Variants in DUSP14 observed in about 807,000 individuals in gnomAD.
DUSP14 encodes dual specificity phosphatase 14.
In DUSP14, 5 loss-of-function variants were observed where a neutral mutation model predicts 13.2. The observed-to-expected ratio is 0.38, with a 90% CI of 0.20 to 0.80. The LOEUF (loss-of-function observed/expected upper bound fraction) is 0.80, where lower values mean the gene tolerates loss of function less well. Among genes scored for constraint, DUSP14 ranks in the 30% least tolerant of loss-of-function variants. The pLI is 0.44. For synonymous variants in DUSP14, 91 were observed against 103.4 expected (o/e 0.88, Z 0.73); for missense variants, 185 against 264.0 (o/e 0.70, Z 2.07).
intron 1 of DUSP14, among the ~76,000 whole-genome samples, chr17:37,491,273 G>A (rs1191262633): frequency 1.3e-5 from 2 of 152,172 alleles, no homozygotes; most frequent in Non-Finnish European, 2.9e-5. Flanking sequence ...AGGGAAGGAG[G>A]CACCCCCACA....
At chr17:37,502,958 A>G (rs761042536) in intron 1 of DUSP14, among the ~76,000 whole-genome samples, 7 of 151,968 alleles carry the variant, frequency 4.6e-5, no homozygotes, top group African/African-American at 7.3e-5. Flanking sequence ...ACAACCTTGA[A>G]CTCCTGAGCT....
chr17:37,491,223 A>T (rs2054025993), intron 1 of DUSP14, among the ~76,000 whole-genome samples: 1 of 152,106 alleles, frequency 6.6e-6, no homozygotes. Flanking sequence ...GTTGTTGTGG[A>T]CTCATAAAGG....
intron 1 of DUSP14, among the ~76,000 whole-genome samples, chr17:37,491,956 T>C (rs2054031347): frequency 6.6e-6 from 1 of 152,250 alleles, no homozygotes; most frequent in South Asian, 2.1e-4. Flanking sequence ...TATATCTTTT[T>C]AGACTTTTCT....
chr17:37,499,287 G>A (rs2054089563), intron 1 of DUSP14, among the ~76,000 whole-genome samples: 1 of 152,136 alleles, frequency 6.6e-6, no homozygotes, highest in African/African-American at 2.4e-5. Flanking sequence ...AGATTTGAGT[G>A]GGGACACAGA....
rs2054202424 is a variant in DUSP14 at position 37,512,891 on chromosome 17, CA to C, written c.*23del. ...TTAGTGCCACTGAAGCCTGCGTCAG[CA>C]GCCCGAGCGGGGCCGGCATCTGCTC... is the stretch of plus-strand genomic sequence containing the variant. On this transcript the variant is annotated 3_prime_UTR_variant, in exon 3 of 3. Transcript: ENST00000617516. The surrounding 1 kb of genome is among the most constrained non-coding windows in gnomAD (Gnocchi z 4.8). 6.3e-7 allele frequency: 1 copy of C among 1,578,136 alleles called. No homozygotes were observed. Among genetic ancestry groups the C allele is most frequent in the Non-Finnish European group, 8.7e-7 (1 of 1,154,718 alleles).
intron 1 of DUSP14, among the ~76,000 whole-genome samples, chr17:37,505,570 A>T (rs1568203120): frequency 6.6e-6 from 1 of 151,204 alleles, no homozygotes; most frequent in Non-Finnish European, 1.5e-5. Context: ...TCTGCTGTTG[A>T]CTGAACATGA....
At chr17:37,508,903 C>T (rs188350267) in intron 1 of DUSP14, among the ~76,000 whole-genome samples, 16 of 147,850 alleles carry the variant, frequency 1.1e-4, no homozygotes, top group Admixed American at 3.4e-4. Context: ...AAGACCTGTA[C>T]GTGGATGCTC....
At chr17:37,505,160 ACCAACTC>A (rs2054129978) in intron 1 of DUSP14, among the ~76,000 whole-genome samples, 1 of 152,148 alleles carries the variant, frequency 6.6e-6, no homozygotes, top group Admixed American at 6.6e-5. Flanking sequence ...CAGGCTGGTC[ACCAACTC>A]CTGAGCTAAA....
At chr17:37,501,357 G>A (rs779949960) in intron 1 of DUSP14, among the ~76,000 whole-genome samples, 13 of 152,114 alleles carry the variant, frequency 8.5e-5, no homozygotes, top group African/African-American at 1.4e-4. Context: ...GAGCCGATTC[G>A]GTAGGTCTTG....
At chr17:37,501,540 A>T (rs949932990) in intron 1 of DUSP14, among the ~76,000 whole-genome samples, 1 of 151,234 alleles carries the variant, frequency 6.6e-6, no homozygotes, top group Non-Finnish European at 1.5e-5. Flanking sequence ...TTTTTTTTAG[A>T]TGGAGTTTCT....
intron 1 of DUSP14, among the ~76,000 whole-genome samples, chr17:37,493,672 C>CTTTTTTTTTT (rs35368460): frequency 7.3e-6 from 1 of 137,324 alleles, no homozygotes. Context: ...TTTCATCAAT[C>CTTTTTTTTTT]TTTTTTTTTT....
At chr17:37,494,611 A>C (rs1041230170) in intron 1 of DUSP14, among the ~76,000 whole-genome samples, 4 of 152,144 alleles carry the variant, frequency 2.6e-5, no homozygotes, top group Admixed American at 2.6e-4. Flanking sequence ...GAGTGAGAGA[A>C]TGTGAGAAAG....
At chr17:37,494,020 G>T (rs968660133) in intron 1 of DUSP14, among the ~76,000 whole-genome samples, 2 of 147,302 alleles carry the variant, frequency 1.4e-5, no homozygotes, top group Non-Finnish European at 3.0e-5. Context: ...TTGAGACAGA[G>T]TCTCACTCTG....
intron 1 of DUSP14, among the ~76,000 whole-genome samples, chr17:37,500,504 C>T (rs2054097894): frequency 6.6e-6 from 1 of 152,192 alleles, no homozygotes; most frequent in Admixed American, 6.5e-5. Context: ...ATGTCATGGT[C>T]TTGCTTCTCA....
intron 1 of DUSP14, among the ~76,000 whole-genome samples, chr17:37,493,261 C>T (rs2054041214): frequency 6.6e-6 from 1 of 152,142 alleles, no homozygotes; most frequent in Non-Finnish European, 1.5e-5. Flanking sequence ...CCACACCCAG[C>T]CCAGTTAGTA....
At chr17:37,501,409 G>A (rs1263819525) in intron 1 of DUSP14, among the ~76,000 whole-genome samples, 1 of 152,144 alleles carries the variant, frequency 6.6e-6, no homozygotes, top group African/African-American at 2.4e-5. Flanking sequence ...GCCTCCAGGT[G>A]GTATTGATGC....
rs1467721367 is a variant in DUSP14 at position 37,489,936 on chromosome 17, C to A, written c.-203C>A. 1 of 12,830 alleles carries A rather than the reference C, an allele frequency of 7.8e-5. No homozygotes were observed. The highest frequency in any genetic ancestry group is 1.2e-4 in the Non-Finnish European group (1 of 8,390). 0.8% of individuals were successfully genotyped at this position (12,830 alleles called of 1,614,324 possible). The stretch of plus-strand genomic sequence containing the variant: ...AGGAGGACGGAGCCCTAACCGCAAC[C>A]CGCTCCGCGCCGCGCCGCGCCGGTA... On this transcript the variant is annotated 5_prime_UTR_variant, in exon 1 of 3. Coordinates refer to ENST00000617516, the MANE Select transcript of DUSP14 (RefSeq NM_007026.4).
chr17:37,498,835 G>A (rs2054086594), intron 1 of DUSP14, among the ~76,000 whole-genome samples: 1 of 151,922 alleles, frequency 6.6e-6, no homozygotes, highest in African/African-American at 2.4e-5. Flanking sequence ...GAATTCCCAG[G>A]CCTTCACTTC....
intron 1 of DUSP14, among the ~76,000 whole-genome samples, chr17:37,492,416 C>T (rs1369317278): frequency 6.6e-6 from 1 of 152,158 alleles, no homozygotes; most frequent in Non-Finnish European, 1.5e-5. Flanking sequence ...TGGGTGAAGA[C>T]AAAGGAAAGT....
Sources: gnomAD v4.1 joint callset for allele counts (sites outside exome capture counted in the v4.1 genomes callset) on GRCh38, gnomAD v4.1.1 for gene constraint, Gnocchi (gnomAD v3.1) non-coding constraint, MANE v1.5 for transcripts, NCBI Gene and HGNC (gene_info 2026-07-23, HGNC 2026-07-21) for gene names.